Variants in SHQ1 observed in about 807,000 individuals in gnomAD.
SHQ1 encodes SHQ1, H/ACA ribonucleoprotein assembly factor.
In SHQ1, 49 loss-of-function variants were observed where a neutral mutation model predicts 53.8. That is an observed-to-expected ratio of 0.91 (90% CI 0.72 to 1.16). The LOEUF (loss-of-function observed/expected upper bound fraction) is 1.16, where lower values mean the gene tolerates loss of function less well. Ranked by LOEUF, SHQ1 falls within the 50% of genes most tolerant of loss-of-function variation. The pLI, the probability that SHQ1 is intolerant of heterozygous loss-of-function variation, is 0.00. For synonymous variants in SHQ1, 243 were observed against 251.0 expected, an observed-to-expected ratio of 0.97 and a Z score of 0.30; for missense variants, 738 against 683.1, an observed-to-expected ratio of 1.08 and a Z score of -0.90.
chr3:72,727,189 A>AGGGATTC, the SHQ1 span, among the ~76,000 whole-genome samples: 5 of 152,164 alleles, frequency 3.3e-5, no homozygotes, highest in African/African-American at 1.2e-4. Flanking sequence ...CAGCAATAGC[A>AGGGATTC]AGAATTCAGC....
intron 9 of SHQ1, among the ~76,000 whole-genome samples, chr3:72,803,710 G>A (rs991387595): frequency 2.0e-5 from 3 of 152,062 alleles, no homozygotes; most frequent in Admixed American, 6.5e-5. Flanking sequence ...TCATCTTACC[G>A]CAAAAGCAGC....
chr3:72,830,284 G>GC, intron 5 of SHQ1, among the ~76,000 whole-genome samples: 2 of 151,930 alleles, frequency 1.3e-5, no homozygotes, highest in East Asian at 3.9e-4. Flanking sequence ...TTTTCCTAAA[G>GC]CCCCCCAAAT....
chr3:72,827,009 C>A (rs1218741942), intron 5 of SHQ1, among the ~76,000 whole-genome samples: 2 of 152,060 alleles, frequency 1.3e-5, no homozygotes, highest in Non-Finnish European at 2.9e-5. Flanking sequence ...TAATGGTGGC[C>A]TAGGATAAGA....
the SHQ1 span, among the ~76,000 whole-genome samples, chr3:72,727,304 C>T: frequency 6.6e-6 from 1 of 152,164 alleles, no homozygotes; most frequent in Admixed American, 6.5e-5. Context: ...GCAGCCCCAC[C>T]CCATGCGGCT....
chr3:72,844,522 C>A, intron 1 of SHQ1, 99 bp from the exon 2 acceptor site: 1 of 911,602 alleles, frequency 1.1e-6, no homozygotes, highest in South Asian at 1.4e-5. Context: ...ATATATCAAT[C>A]ATTTTTTAAG....
intron 9 of SHQ1, among the ~76,000 whole-genome samples, chr3:72,806,067 A>G (rs62252362): frequency 0.34 from 50,967 of 152,074 alleles, 10,632 homozygotes; most frequent in African/African-American, 0.59. Context: ...TTCTATACAG[A>G]GTTATAAGTA....
At chr3:72,735,470 T>TA in the SHQ1 span, among the ~76,000 whole-genome samples, 2 of 136,412 alleles carry the variant, frequency 1.5e-5, no homozygotes, top group Non-Finnish European at 3.2e-5. Context: ...CAAGGGCTAC[T>TA]AAAGACAATA....
chr3:72,783,621 T>C (rs1456701599), intron 10 of SHQ1, among the ~76,000 whole-genome samples: 2 of 152,186 alleles, frequency 1.3e-5, no homozygotes, highest in African/African-American at 2.4e-5. Flanking sequence ...GCCCTAAGCT[T>C]TCTCTATTTT....
At chr3:72,831,279 C>A (rs2106921285) in intron 5 of SHQ1, among the ~76,000 whole-genome samples, 1 of 152,316 alleles carries the variant, frequency 6.6e-6, no homozygotes, top group East Asian at 1.9e-4. Context: ...CAAGATATAT[C>A]CCTGCCATTC....
chr3:72,807,400 T>C (rs6766747), intron 9 of SHQ1, among the ~76,000 whole-genome samples: 33,487 of 152,138 alleles, frequency 0.22, 3,899 homozygotes, highest in Non-Finnish European at 0.25. Flanking sequence ...ACTTGTTGAA[T>C]AAATCTCAAA....
intron 9 of SHQ1, among the ~76,000 whole-genome samples, chr3:72,803,339 C>T (rs781706509): frequency 1.3e-5 from 2 of 152,212 alleles, no homozygotes; most frequent in African/African-American, 2.4e-5. Flanking sequence ...TCAGTTCACA[C>T]AGGCCTCATT....
intron 10 of SHQ1, among the ~76,000 whole-genome samples, chr3:72,789,437 A>G (rs1706367334): frequency 1.3e-5 from 2 of 150,636 alleles, no homozygotes; most frequent in Admixed American, 1.3e-4. Flanking sequence ...GGCCCATGGA[A>G]GCCAAAGGGT....
chr3:72,756,034 G>T (rs902728040), intron 10 of SHQ1, among the ~76,000 whole-genome samples: 1 of 152,052 alleles, frequency 6.6e-6, no homozygotes, highest in Non-Finnish European at 1.5e-5. Context: ...GAGTAGCTGG[G>T]ACTACAGGCA....
At chr3:72,762,609 G>A (rs143599439) in intron 10 of SHQ1, among the ~76,000 whole-genome samples, 88 of 152,180 alleles carry the variant, frequency 5.8e-4, no homozygotes, top group Non-Finnish European at 1.1e-3. Flanking sequence ...GTTCCATACG[G>A]GCTGCTGGTG....
At chr3:72,841,971 T>C (rs966861149) in intron 3 of SHQ1, among the ~76,000 whole-genome samples, 5 of 152,196 alleles carry the variant, frequency 3.3e-5, no homozygotes, top group Non-Finnish European at 5.9e-5. Flanking sequence ...ACCTGAGGGT[T>C]GGGGACCCCT....
At chr3:72,838,333 T>C (rs934707015) in intron 4 of SHQ1, among the ~76,000 whole-genome samples, 13 of 152,374 alleles carry the variant, frequency 8.5e-5, no homozygotes, top group African/African-American at 3.1e-4. Context: ...CCTTAGAGTT[T>C]TCCCAAATGC....
chr3:72,846,078 G>A, intron 1 of SHQ1: 1 of 779,648 alleles, frequency 1.3e-6, no homozygotes. Context: ...AGCATGAAAT[G>A]ATAATGCAAA....
Position 72,848,401 on chromosome 3 carries a change from G to C in SHQ1, c.-61C>G. 1 of 1,600,800 alleles carries C rather than the reference G, an allele frequency of 6.2e-7. No homozygotes were observed. Among genetic ancestry groups the C allele is most frequent in the Non-Finnish European group, 8.5e-7 (1 of 1,173,506 alleles). ...CTCACTGCCGCCGCGTTCCCGCCAC[G>C]CAAACTCTCCAACTCCCCACGCGCA... is the stretch of plus-strand genomic sequence containing the variant. On this transcript the variant is annotated 5_prime_UTR_variant, in exon 1 of 11. Transcript: ENST00000325599.
chr3:72,844,867 T>C (rs983433111), intron 1 of SHQ1, among the ~76,000 whole-genome samples: 1 of 152,156 alleles, frequency 6.6e-6, no homozygotes, highest in Non-Finnish European at 1.5e-5. Context: ...CACAAAAGTA[T>C]TAAAAAATTA....
Sources: gnomAD v4.1 joint callset for allele counts (sites outside exome capture counted in the v4.1 genomes callset) on GRCh38, gnomAD v4.1.1 for gene constraint, MANE v1.5 for transcripts, NCBI Gene and HGNC (gene_info 2026-07-23, HGNC 2026-07-21) for gene names.